TAX1BP1: variants seen among roughly 807,000 people sequenced by gnomAD.
TAX1BP1 encodes Tax1 binding protein 1.
TAX1BP1 carries 62 observed loss-of-function variants against 97.7 expected under a neutral mutation model. The ratio of observed to expected loss-of-function variants is 0.63; its 90% confidence interval spans 0.52 to 0.78. The LOEUF (loss-of-function observed/expected upper bound fraction) is 0.78, where lower values mean the gene tolerates loss of function less well. Ranked by LOEUF, TAX1BP1 falls within the 30% of genes least tolerant of loss-of-function variation. The probability of loss-of-function intolerance (pLI) is 0.00; values close to 1 mark genes in which losing one functional copy is unlikely to be tolerated. For synonymous variants in TAX1BP1, 340 were observed against 304.2 expected (o/e 1.12, Z -1.23); for missense variants, 867 against 916.1 (o/e 0.95, Z 0.69).
At position 27,758,123 on chromosome 7, in the gene TAX1BP1, A is replaced by G. The variant is rs774734350; in HGVS notation, c.255A>G (p.Leu85=). Residue 85 remains leucine, a synonymous_variant, in exon 3 of 17, where the codon CTA becomes CTG. Transcript: ENST00000396319. The part of the protein sequence containing the change: ...YVEGSTVNCV[L]AFQGYYLPND... ...AAGGATCAACAGTCAATTGTGTACT[A>G]GCATTCCAAGGTAAGGACTGAAAAC... 1 of 1,609,120 alleles carries G rather than the reference A, an allele frequency of 6.2e-7. No homozygotes were observed. The highest frequency in any genetic ancestry group is 1.1e-5 in the South Asian group (1 of 90,364).
intron 1 of TAX1BP1, among the ~76,000 whole-genome samples, chr7:27,743,387 G>T (rs1269899745): frequency 6.6e-6 from 1 of 152,118 alleles, no homozygotes; most frequent in Non-Finnish European, 1.5e-5. Context: ...ATATGTTTGT[G>T]TGTCCTATCG....
intron 5 of TAX1BP1, among the ~76,000 whole-genome samples, chr7:27,771,282 C>T (rs567608432): frequency 6.8e-6 from 1 of 147,046 alleles, no homozygotes; most frequent in African/African-American, 2.5e-5. Flanking sequence ...GTATTACAAG[C>T]CAGAGGGATC....
rs138641971 is a variant in TAX1BP1, at chr7:27,807,493, T to C, written c.1764+7403T>C. On this transcript the variant is annotated intron_variant, in intron 13 of 16. Coordinates refer to ENST00000396319, the MANE Select transcript of TAX1BP1 (RefSeq NM_006024.7). Reference sequence around the variant, plus strand: ...AAAAATATGGGCCAGTTATTTAATATAATACTAATTTTGGTTTAATATTTC... The same window carrying C: ...AAAAATATGGGCCAGTTATTTAATACAATACTAATTTTGGTTTAATATTTC... Among the ~76,000 whole-genome samples, 569 of 152,226 alleles carry C rather than the reference T, an allele frequency of 3.7e-3. 7 individuals carry two copies. The highest frequency in any genetic ancestry group is 4.9e-3 in the Non-Finnish European group (333 of 67,978).
At chr7:27,792,274 C>G (rs1467869537) in intron 9 of TAX1BP1, 44 bp downstream of exon 9, 2 of 1,488,730 alleles carry the variant, frequency 1.3e-6, no homozygotes. Flanking sequence ...TTTAAGAAAC[C>G]ACTATAATCT....
chr7:27,742,994 T>G (rs1404962754), intron 1 of TAX1BP1, among the ~76,000 whole-genome samples: 2 of 152,244 alleles, frequency 1.3e-5, no homozygotes, highest in African/African-American at 4.8e-5. Flanking sequence ...AAATCTGGGC[T>G]TTATGCATTT....
At chr7:27,765,124 T>A (rs977566537) in intron 3 of TAX1BP1, among the ~76,000 whole-genome samples, 3 of 145,758 alleles carry the variant, frequency 2.1e-5, no homozygotes, top group African/African-American at 7.7e-5. Context: ...CAAGCGATCC[T>A]CCCGCTTCAG....
At chr7:27,740,996 T>TA (rs922317936) in intron 1 of TAX1BP1, among the ~76,000 whole-genome samples, 4 of 152,154 alleles carry the variant, frequency 2.6e-5, no homozygotes, top group Admixed American at 6.5e-5. Flanking sequence ...ACCTTATTAG[T>TA]AAAAAATTGA....
intron 3 of TAX1BP1, among the ~76,000 whole-genome samples, chr7:27,759,678 A>G (rs1309432622): frequency 6.6e-6 from 1 of 151,906 alleles, no homozygotes; most frequent in East Asian, 1.9e-4. Context: ...GGTTTCTCAT[A>G]TCTTTAAGCA....
chr7:27,767,770 T>C (rs902305778), intron 4 of TAX1BP1, among the ~76,000 whole-genome samples: 7 of 152,126 alleles, frequency 4.6e-5, no homozygotes, highest in African/African-American at 1.7e-4. Flanking sequence ...TTGAGACATA[T>C]CTCATTCTGT....
intron 5 of TAX1BP1, among the ~76,000 whole-genome samples, chr7:27,783,320 T>A (rs1789336506): frequency 6.6e-6 from 1 of 152,210 alleles, no homozygotes; most frequent in Admixed American, 6.5e-5. Context: ...TCCTAGTTGT[T>A]TGAAATGGCA....
chr7:27,821,930 T>C (rs563638941), intron 15 of TAX1BP1, among the ~76,000 whole-genome samples: 2 of 152,332 alleles, frequency 1.3e-5, no homozygotes, highest in African/African-American at 4.8e-5. Context: ...AAAATTGTTA[T>C]CTTTTGTGAC....
chr7:27,813,081 T>G (rs1790619591), intron 13 of TAX1BP1, among the ~76,000 whole-genome samples: 1 of 152,076 alleles, frequency 6.6e-6, no homozygotes, highest in Non-Finnish European at 1.5e-5. Context: ...TATACCGTCT[T>G]GTTTACTGTA....
chr7:27,779,192 T>C (rs1260181295), intron 5 of TAX1BP1, among the ~76,000 whole-genome samples: 1 of 152,312 alleles, frequency 6.6e-6, no homozygotes, highest in East Asian at 1.9e-4. Context: ...GGCCTCACTA[T>C]GTTTCCCAGC....
At position 27,796,062 on chromosome 7, in the gene TAX1BP1, A is replaced by G. The variant is rs1583717229; in HGVS notation, c.1535-54A>G. 5 of 1,361,928 alleles carry G rather than the reference A, an allele frequency of 3.7e-6. No individual in the cohort carries two copies. The East Asian group carries it at 1.2e-4, about 32-fold the overall frequency. The allele number at this position is 1,361,928 out of a possible 1,614,324, so 84.4% of individuals were successfully genotyped here. A position where few individuals can be genotyped will look rare whatever the true frequency, so the allele number is the denominator to read the frequency against. ...CCTTTAAGTTATTCTGAACAGGAAG[A>G]TAATATAAGGGGCAAAATACTTTTT... On this transcript the variant is annotated intron_variant, in intron 11 of 16. Transcript: ENST00000396319.
At chr7:27,801,932 G>A (rs1306798169) in intron 13 of TAX1BP1, among the ~76,000 whole-genome samples, 1 of 152,138 alleles carries the variant, frequency 6.6e-6, no homozygotes, top group East Asian at 1.9e-4. Context: ...AATATTTAGG[G>A]GGAAGACATT....
chr7:27,780,681 G>A (rs1307451970), intron 5 of TAX1BP1, among the ~76,000 whole-genome samples: 3 of 152,042 alleles, frequency 2.0e-5, no homozygotes, highest in African/African-American at 7.2e-5. Flanking sequence ...ATCAAGAAAA[G>A]ATACAAAAGG....
At position 27,749,576 on chromosome 7, in the gene TAX1BP1, C is replaced by T. The variant is rs568111365; in HGVS notation, c.162+890C>T. Among the ~76,000 whole-genome samples, 13 of 152,284 alleles carry T rather than the reference C, an allele frequency of 8.5e-5. No individual in the cohort carries two copies. In the South Asian group the frequency reaches 2.7e-3, roughly 32 times the overall value. On this transcript the variant is annotated intron_variant, in intron 2 of 16. Transcript: ENST00000396319. ...TTGAAAGTGTCTAGAAGTAAAAGTCCAGCCTGACGGGAAGGCAGAAAAACA... is the reference window on the plus strand; with the variant it reads ...TTGAAAGTGTCTAGAAGTAAAAGTCTAGCCTGACGGGAAGGCAGAAAAACA...
Position 27,828,860 on chromosome 7 carries a change from G to T in TAX1BP1, c.*31G>T. The T allele has an allele frequency of 1.8e-6, 2 of 1,122,426 alleles. No homozygotes were observed. Among genetic ancestry groups the T allele is most frequent in the South Asian group, 1.5e-5 (1 of 67,202 alleles). 69.5% of individuals were successfully genotyped at this position (1,122,426 alleles called of 1,614,324 possible). ...TTTTATTATGAGTTAATATAGTTTA[G>T]CAGTAAAAAAAAAAAAAAAAACCAC... On this transcript the variant is annotated 3_prime_UTR_variant, in exon 17 of 17. Transcript: ENST00000396319.
At position 27,794,329 on chromosome 7, in the gene TAX1BP1, A is replaced by G; in HGVS notation, c.1417A>G (p.Asn473Asp). 1.2e-6 allele frequency: 2 copies of G among 1,610,192 alleles called. No individual in the cohort carries two copies. The highest frequency in any genetic ancestry group is 1.7e-6 in the Non-Finnish European group (2 of 1,177,716). ...TTATTAACATTTTGAATAGGCTAATAATAATAATGTCTTCACAAAGAAAAC... is the reference window on the plus strand; with the variant it reads ...TTATTAACATTTTGAATAGGCTAATGATAATAATGTCTTCACAAAGAAAAC... ...INKLSDQSAN[N>D]NNVFTKKTGN... Residue 473 changes from asparagine (N) to aspartate (D), a missense_variant, in exon 11 of 17, where the codon AAT becomes GAT. Transcript: ENST00000396319.
Sources: allele counts gnomAD v4.1 joint callset (sites outside exome capture counted in the v4.1 genomes callset), GRCh38; gene constraint gnomAD v4.1.1; transcripts MANE v1.5; gene names NCBI Gene and HGNC (gene_info 2026-07-23, HGNC 2026-07-21).